Variants in NSG1 observed in about 807,000 individuals in gnomAD.
NSG1 encodes neuronal vesicle trafficking-associated protein 1.
A neutral mutation model predicts 19.3 loss-of-function variants in NSG1; 9 were observed. The ratio of observed to expected loss-of-function variants is 0.47; its 90% confidence interval spans 0.28 to 0.81. NSG1 has a LOEUF of 0.81. NSG1 is among the 40% of genes least tolerant of loss of function. The pLI is 0.11. For missense variants in NSG1, 236 were observed against 242.4 expected, an observed-to-expected ratio of 0.97 and a Z score of 0.18; for synonymous variants, 104 against 107.0, an observed-to-expected ratio of 0.97 and a Z score of 0.17.
chr4:4,395,057 C>A (rs893006821), intron 3 of NSG1, among the ~76,000 whole-genome samples: 2 of 152,226 alleles, frequency 1.3e-5, no homozygotes. Context: ...AGGAAGCCTG[C>A]AGGCTGGACT....
At chr4:4,415,099 G>A (rs534706352) in intron 4 of NSG1, among the ~76,000 whole-genome samples, 167 of 151,524 alleles carry the variant, frequency 1.1e-3, no homozygotes, top group Non-Finnish European at 1.8e-3. Flanking sequence ...CAGGTTACAC[G>A]TTCTTGCTAT....
At chr4:4,403,041 C>T (rs1723652096) in intron 3 of NSG1, among the ~76,000 whole-genome samples, 1 of 152,188 alleles carries the variant, frequency 6.6e-6, no homozygotes, top group Admixed American at 6.5e-5. Context: ...TCCAGGTGTC[C>T]AAGAGTTGTT....
At chr4:4,402,036 A>G (rs1334997501) in intron 3 of NSG1, among the ~76,000 whole-genome samples, 1 of 131,680 alleles carries the variant, frequency 7.6e-6, no homozygotes, top group African/African-American at 2.9e-5. Flanking sequence ...GCTTACCCCC[A>G]TGCCCAGCTA....
At position 4,418,714 on chromosome 4, in the gene NSG1, G is replaced by C. The variant is rs1724733312; in HGVS notation, c.*1279G>C. 6.6e-6 allele frequency: 1 copy of C among 152,660 alleles called. No homozygotes were observed. Among genetic ancestry groups the C allele is most frequent in the Non-Finnish European group, 1.5e-5 (1 of 68,046 alleles). 9.5% of individuals were successfully genotyped at this position (152,660 alleles called of 1,614,324 possible). On this transcript the variant is annotated 3_prime_UTR_variant, in exon 5 of 5. Transcript: ENST00000621129. Reference sequence around the variant, plus strand: ...GAGATGTGTTGTGAACAGGCATGGTGACCGTGGTCAGCGCCACTCTTGTTT... The same window carrying C: ...GAGATGTGTTGTGAACAGGCATGGTCACCGTGGTCAGCGCCACTCTTGTTT...
Position 4,418,011 on chromosome 4 carries a change from T to C in NSG1, c.*576T>C, listed in dbSNP as rs1724678255. The C allele has an allele frequency of 6.3e-6, 1 of 159,366 alleles. No individual in the cohort carries two copies. The highest frequency in any genetic ancestry group is 2.4e-5 in the African/African-American group (1 of 41,434). 9.9% of individuals were successfully genotyped at this position (159,366 alleles called of 1,614,324 possible). A position where few individuals can be genotyped will look rare whatever the true frequency, so the allele number is the denominator to read the frequency against. On this transcript the variant is annotated 3_prime_UTR_variant, in exon 5 of 5. Transcript: ENST00000621129. Reference sequence around the variant, plus strand: ...GAGTCGGGGTGGGACGGCCCTGCAATGTGGCAGGCTCGGTGTGGATTGACT... The same window carrying C: ...GAGTCGGGGTGGGACGGCCCTGCAACGTGGCAGGCTCGGTGTGGATTGACT...
chr4:4,388,537 A>AT (rs1722850565), intron 2 of NSG1, among the ~76,000 whole-genome samples: 1 of 152,244 alleles, frequency 6.6e-6, no homozygotes, highest in Non-Finnish European at 1.5e-5. Flanking sequence ...TGTCTAGGCA[A>AT]TTGTACTGTA....
At chr4:4,402,631 G>A (rs566384988) in intron 3 of NSG1, among the ~76,000 whole-genome samples, 23 of 151,772 alleles carry the variant, frequency 1.5e-4, no homozygotes, top group Non-Finnish European at 1.2e-4. Flanking sequence ...CTCGTGATCC[G>A]CCCGCCTCGG....
intron 3 of NSG1, 113 bp downstream of exon 3, chr4:4,391,704 A>T (rs766019669): frequency 3.2e-6 from 2 of 620,228 alleles, no homozygotes; most frequent in African/African-American, 3.6e-5. Context: ...GTCTGGGCTC[A>T]TCCCAGCTGT....
Position 4,389,036 on chromosome 4 carries a change from C to T in NSG1, c.129+1278C>T, listed in dbSNP as rs867198691. Among the ~76,000 whole-genome samples the T allele has an allele frequency of 1.1e-4, 16 of 152,346 alleles. No individual in the cohort carries two copies. The Middle Eastern group carries it at 0.017, about 163-fold the overall frequency. On this transcript the variant is annotated intron_variant, in intron 2 of 4. Coordinates refer to ENST00000621129, the MANE Select transcript of NSG1 (RefSeq NM_014392.5). Reference sequence around the variant, plus strand: ...CATCAGACTCGTCCAGTTAGCGGGGCCTGGCCCCGAGGCCCCCACACCCCC... The same window carrying T: ...CATCAGACTCGTCCAGTTAGCGGGGTCTGGCCCCGAGGCCCCCACACCCCC...
Position 4,417,569 on chromosome 4 carries a change from T to G in NSG1, c.*134T>G, listed in dbSNP as rs915781969. On this transcript the variant is annotated 3_prime_UTR_variant, in exon 5 of 5. Transcript: ENST00000621129. ...TGCAATTGCTTCTGTTTGCTAATGC[T>G]GCTTTGCAAATAAAACTTGCTGCCG... 5.6e-6 allele frequency: 5 copies of G among 898,152 alleles called. No homozygotes were observed. In the African/African-American group the frequency reaches 8.4e-5, roughly 15 times the overall value. 55.6% of individuals were successfully genotyped at this position (898,152 alleles called of 1,614,324 possible). A position where few individuals can be genotyped will look rare whatever the true frequency, so the allele number is the denominator to read the frequency against.
chr4:4,414,349 G>A (rs1724397942), intron 4 of NSG1, among the ~76,000 whole-genome samples: 1 of 151,806 alleles, frequency 6.6e-6, no homozygotes, highest in African/African-American at 2.4e-5. Flanking sequence ...GCCAGCCTTG[G>A]GAATTGAGAG....
Position 4,417,593 on chromosome 4 carries a change from C to T in NSG1, c.*158C>T, listed in dbSNP as rs1288489277. On this transcript the variant is annotated 3_prime_UTR_variant, in exon 5 of 5. Transcript: ENST00000621129. ...CTGCTTTGCAAATAAAACTTGCTGC[C>T]GACCACCCACGGGCATAAAATCAAG... 2.4e-5 allele frequency: 17 copies of T among 695,558 alleles called. No homozygotes were observed. The highest frequency in any genetic ancestry group is 2.9e-5 in the Non-Finnish European group (12 of 419,312). 43.1% of individuals were successfully genotyped at this position (695,558 alleles called of 1,614,324 possible). A position where few individuals can be genotyped will look rare whatever the true frequency, so the allele number is the denominator to read the frequency against.
chr4:4,400,907 A>T (rs1213879292), intron 3 of NSG1, among the ~76,000 whole-genome samples: 1 of 152,238 alleles, frequency 6.6e-6, no homozygotes, highest in African/African-American at 2.4e-5. Context: ...CAATATAATC[A>T]GTTTTCCTTG....
At chr4:4,397,525 A>G (rs780810537) in intron 3 of NSG1, among the ~76,000 whole-genome samples, 8 of 152,224 alleles carry the variant, frequency 5.3e-5, no homozygotes, top group Non-Finnish European at 1.0e-4. Flanking sequence ...CCCAGACCTG[A>G]GAGGGCAGAC....
chr4:4,396,122 A>G (rs1442039390), intron 3 of NSG1, among the ~76,000 whole-genome samples: 1 of 152,226 alleles, frequency 6.6e-6, no homozygotes, highest in Non-Finnish European at 1.5e-5. Context: ...CTGGAGGCAT[A>G]TTTACAGTGA....
At chr4:4,399,202 G>A (rs916964204) in intron 3 of NSG1, among the ~76,000 whole-genome samples, 1 of 152,142 alleles carries the variant, frequency 6.6e-6, no homozygotes, top group Non-Finnish European at 1.5e-5. Flanking sequence ...GAGTGCAGTG[G>A]TGGGATCTCA....
intron 3 of NSG1, among the ~76,000 whole-genome samples, chr4:4,403,888 G>A (rs1723706030): frequency 6.6e-6 from 1 of 152,208 alleles, no homozygotes; most frequent in African/African-American, 2.4e-5. Flanking sequence ...AAGTCTGGTG[G>A]GGGGTGTAGC....
intron 3 of NSG1, among the ~76,000 whole-genome samples, chr4:4,397,107 A>G (rs1723295593): frequency 6.7e-6 from 1 of 150,234 alleles, no homozygotes. Flanking sequence ...AGTGCTGTAA[A>G]CGCTTGAAGA....
At chr4:4,387,098 C>T (rs1246766616), upstream of NSG1, 1 of 152,230 alleles carries the variant, frequency 6.6e-6, no homozygotes, top group Admixed American at 6.5e-5. Context: ...GCGGCGCCGC[C>T]TCCGCCATTG....
Sources: gnomAD v4.1 joint callset for allele counts (sites outside exome capture counted in the v4.1 genomes callset) on GRCh38, gnomAD v4.1.1 for gene constraint, MANE v1.5 for transcripts, NCBI Gene and HGNC (gene_info 2026-07-23, HGNC 2026-07-21) for gene names.